The following MMADHC variants were observed in gnomAD, a reference collection of about 807,000 sequenced individuals.
The protein encoded by MMADHC is metabolism of cobalamin associated D, also known as cobalamin trafficking protein CblD.
Under a neutral mutation model 36.3 loss-of-function variants are expected in MMADHC, and 23 were observed. The ratio of observed to expected loss-of-function variants is 0.63; its 90% CI spans 0.46 to 0.90. MMADHC has a LOEUF of 0.90. MMADHC is among the 40% of genes least tolerant of loss of function. The pLI is 0.00. For missense variants in MMADHC, 330 were observed against 348.0 expected, an observed-to-expected ratio of 0.95 and a Z score of 0.41; for synonymous variants, 97 against 116.1, an observed-to-expected ratio of 0.84 and a Z score of 1.06.
chr2:149,569,731 C>A lies in MMADHC; in HGVS notation c.*243G>T. On this transcript the variant is annotated 3_prime_UTR_variant, in exon 8 of 8. Transcript: ENST00000303319. ...GAGAAATAACAATAGCAGATCATAC[C>A]CTGGTTACAAGCTAATTACCACATC... The A allele has an allele frequency of 5.4e-6, 2 of 371,944 alleles. No homozygotes were observed. Among genetic ancestry groups the A allele is most frequent in the Admixed American group, 4.2e-5 (1 of 23,734 alleles). The allele number at this position is 371,944 out of a possible 1,614,324, so 23.0% of individuals were successfully genotyped here. A position where few individuals can be genotyped will look rare whatever the true frequency, so the allele number is the denominator to read the frequency against.
rs751402611 is a variant in MMADHC, at chr2:149,569,932, A to C, written c.*42T>G. On this transcript the variant is annotated 3_prime_UTR_variant, in exon 8 of 8. Transcript: ENST00000303319. Reference sequence around the variant, plus strand: ...TGACAGTGTTTATAGATCAACCCAAATATTACATACAAATAGTACAGCAAA... The same window carrying C: ...TGACAGTGTTTATAGATCAACCCAACTATTACATACAAATAGTACAGCAAA... The C allele has an allele frequency of 7.0e-6, 11 of 1,570,940 alleles. No individual in the cohort carries two copies. The African/African-American group carries it at 1.4e-4, about 19-fold the overall frequency.
chr2:149,572,349 C>CAAAAAAAAAAAAAAAAAA (rs1553453714), intron 6 of MMADHC: 1 of 161,024 alleles, frequency 6.2e-6, no homozygotes, highest in African/African-American at 5.5e-5. Context: ...AAAAAAAAAT[C>CAAAAAAAAAAAAAAAAAA]AAGGGCACAG....
At chr2:149,570,230 G>A (rs566698105) in intron 7 of MMADHC, 62 bp from the exon 8 acceptor site, 20 of 1,381,254 alleles carry the variant, frequency 1.4e-5, no homozygotes, top group Admixed American at 1.3e-4. Context: ...ATAATTTTTA[G>A]GTAAACATGA....
Position 149,582,044 on chromosome 2 carries a change from C to A in MMADHC, c.154+83G>T, listed in dbSNP as rs369457264. The stretch of plus-strand genomic sequence containing the variant: ...CACAACTTTAGAAAAATCCATTAAG[C>A]CTTAAGAAGAAATATTAGAGGAAAA... On this transcript the variant is annotated intron_variant, in intron 3 of 7. Coordinates refer to ENST00000303319, the MANE Select transcript of MMADHC (RefSeq NM_015702.3). 4.1e-6 allele frequency: 6 copies of A among 1,476,278 alleles called. No homozygotes were observed. The African/African-American group carries it at 8.4e-5, about 21-fold the overall frequency. 91.4% of individuals were successfully genotyped at this position (1,476,278 alleles called of 1,614,324 possible).
intron 3 of MMADHC, among the ~76,000 whole-genome samples, chr2:149,581,102 A>G (rs565668486): frequency 2.6e-5 from 4 of 152,314 alleles, no homozygotes; most frequent in South Asian, 4.1e-4. Context: ...CCATATTAAT[A>G]GTAGATTTGG....
At chr2:149,572,393 C>T in intron 6 of MMADHC, 1 of 267,846 alleles carries the variant, frequency 3.7e-6, no homozygotes, top group East Asian at 1.4e-4. Flanking sequence ...TTAACAGGTA[C>T]TGAACTCACC....
At chr2:149,571,744 C>A (rs1290633059) in intron 6 of MMADHC, among the ~76,000 whole-genome samples, 1 of 147,732 alleles carries the variant, frequency 6.8e-6, no homozygotes, top group African/African-American at 2.5e-5. Flanking sequence ...CGCGCCACTG[C>A]ACTCCAGCCT....
intron 6 of MMADHC, 66 bp downstream of exon 6, chr2:149,575,645 G>T: frequency 7.6e-7 from 1 of 1,318,796 alleles, no homozygotes; most frequent in Non-Finnish European, 1.1e-6. Context: ...ATCATTTTAA[G>T]ACATTGGTTC....
At chr2:149,579,384 T>G (rs746388949) in intron 4 of MMADHC, 47 bp downstream of exon 4, 2 of 1,507,578 alleles carry the variant, frequency 1.3e-6, no homozygotes, top group Admixed American at 3.3e-5. Flanking sequence ...TCAAGTCATA[T>G]AGCATTAATA....
intron 6 of MMADHC, chr2:149,572,459 C>T (rs1682658038): frequency 1.0e-5 from 2 of 194,744 alleles, no homozygotes; most frequent in Non-Finnish European, 1.1e-5. Context: ...TATTTTTGGA[C>T]CCTGAACAAC....
At chr2:149,580,164 C>T (rs1211580139) in intron 3 of MMADHC, among the ~76,000 whole-genome samples, 1 of 152,132 alleles carries the variant, frequency 6.6e-6, no homozygotes, top group Non-Finnish European at 1.5e-5. Flanking sequence ...CACCACTATG[C>T]CCAGCTAATT....
At chr2:149,579,334 A>AT (rs1682760963) in intron 4 of MMADHC, 97 bp downstream of exon 4, 4 of 1,197,350 alleles carry the variant, frequency 3.3e-6, no homozygotes, top group South Asian at 1.3e-5. Flanking sequence ...AATTAAATTG[A>AT]TTTTTTACTT....
chr2:149,575,397 TGGAGAA>T (rs1682699393), intron 6 of MMADHC, among the ~76,000 whole-genome samples: 1 of 124,882 alleles, frequency 8.0e-6, no homozygotes, highest in African/African-American at 3.1e-5. Flanking sequence ...AAGGGGGAGA[TGGAGAA>T]GGAGAGGGAG....
At position 149,575,957 on chromosome 2, in the gene MMADHC, G is replaced by T; in HGVS notation, c.479-116C>A. On this transcript the variant is annotated intron_variant, in intron 5 of 7. Coordinates refer to ENST00000303319, the MANE Select transcript of MMADHC (RefSeq NM_015702.3). ...AATGCTGATTAAGTAAAATTACTGT[G>T]GTATTAGTTAATTTTTATAAATGTA... 9 of 742,082 alleles carry T rather than the reference G, an allele frequency of 1.2e-5. 1 individual carries two copies. Among genetic ancestry groups the T allele is most frequent in the Non-Finnish European group, 1.7e-5 (8 of 460,406 alleles). 46.0% of individuals were successfully genotyped at this position (742,082 alleles called of 1,614,324 possible). A position where few individuals can be genotyped will look rare whatever the true frequency, so the allele number is the denominator to read the frequency against.
At position 149,571,321 on chromosome 2, in the gene MMADHC, G is replaced by T. The variant is rs896249166; in HGVS notation, c.610-150C>A. 7.6e-6 allele frequency: 4 copies of T among 529,704 alleles called. No individual in the cohort carries two copies. The African/African-American group carries it at 7.7e-5, about 10-fold the overall frequency. 32.8% of individuals were successfully genotyped at this position (529,704 alleles called of 1,614,324 possible). On this transcript the variant is annotated intron_variant, in intron 6 of 7. Transcript: ENST00000303319. Reference sequence around the variant, plus strand: ...ACCAATGGCAAATTAGACTGTAAAGGCGTAAGATTCTTTTCACCATTCCAG... The same window carrying T: ...ACCAATGGCAAATTAGACTGTAAAGTCGTAAGATTCTTTTCACCATTCCAG...
In MMADHC at chr2:149,579,523, G is replaced by T. The variant is rs774165572; in HGVS notation, c.280C>A (p.Leu94Met). 2 of 1,613,576 alleles carry T rather than the reference G, an allele frequency of 1.2e-6. No individual in the cohort carries two copies. The highest frequency in any genetic ancestry group is 1.7e-6 in the Non-Finnish European group (2 of 1,179,972). ...ACATCAGGCAAAGTTTTATGAACCAGGCTTTTCTTCTGTGAAGCAGTCCCA... is the reference window on the plus strand; with the variant it reads ...ACATCAGGCAAAGTTTTATGAACCATGCTTTTCTTCTGTGAAGCAGTCCCA... ...LNGTASQKKSLVHKTLPDVLA... is the reference protein window; with the variant it reads ...LNGTASQKKSMVHKTLPDVLA... Residue 94 changes from leucine to methionine, a missense_variant, in exon 4 of 8, where the codon CTG becomes ATG. Leu to Met is a conservative substitution (Grantham distance 15, BLOSUM62 2). Coordinates refer to ENST00000303319, the MANE Select transcript of MMADHC (RefSeq NM_015702.3).
At chr2:149,575,471 A>G (rs942331372) in intron 6 of MMADHC, among the ~76,000 whole-genome samples, 1 of 152,164 alleles carries the variant, frequency 6.6e-6, no homozygotes, top group Non-Finnish European at 1.5e-5. Context: ...CATTTACCAA[A>G]TTTTCCAAAA....
intron 5 of MMADHC, 27 bp downstream of exon 5, chr2:149,576,408 AGT>A (rs1682717992): frequency 5.6e-6 from 8 of 1,421,578 alleles, no homozygotes; most frequent in Non-Finnish European, 8.0e-6. Flanking sequence ...AATTAGTAAC[AGT>A]GTTTCAAAGT....
chr2:149,583,998 G>C (rs183386223), intron 2 of MMADHC, among the ~76,000 whole-genome samples: 1 of 151,958 alleles, frequency 6.6e-6, no homozygotes, highest in Non-Finnish European at 1.5e-5. Context: ...TTTGTGATAC[G>C]TGTCTCCAAA....
Sources: allele counts gnomAD v4.1 joint callset (sites outside exome capture counted in the v4.1 genomes callset), GRCh38; gene constraint gnomAD v4.1.1; transcripts MANE v1.5; gene names NCBI Gene and HGNC (gene_info 2026-07-23, HGNC 2026-07-21).